Variants in KIFAP3 observed in about 807,000 individuals in gnomAD.
KIFAP3 encodes kinesin-associated protein 3.
A neutral mutation model predicts 106.5 loss-of-function variants in KIFAP3; 68 were observed. The ratio of observed to expected loss-of-function variants is 0.64; its 90% CI spans 0.53 to 0.78. The LOEUF (loss-of-function observed/expected upper bound fraction) is 0.78. KIFAP3 is among the 30% of genes least tolerant of loss of function. KIFAP3 has a pLI of 0.00. For missense variants in KIFAP3, 780 were observed against 941.8 expected (o/e 0.83, Z 2.25); for synonymous variants, 320 against 311.5 (o/e 1.03, Z -0.29).
At position 169,937,183 on chromosome 1, in the gene KIFAP3, C is replaced by A. The variant is rs138510469; in HGVS notation, c.2274-15402G>T. On this transcript the variant is annotated intron_variant, in intron 19 of 19. Transcript: ENST00000361580. Reference sequence around the variant, plus strand: ...TATTTTTAACCCTGAACTATATAAGCCTCTTAAAGAGAATGAGATTATTTC... The same window carrying A: ...TATTTTTAACCCTGAACTATATAAGACTCTTAAAGAGAATGAGATTATTTC... Among the ~76,000 whole-genome samples the A allele has an allele frequency of 1.7e-3, 252 of 151,584 alleles. 1 individual carries two copies. Among genetic ancestry groups the A allele is most frequent in the African/African-American group, 5.7e-3 (238 of 41,462 alleles).
chr1:169,960,019 C>T (rs933735925), intron 18 of KIFAP3, among the ~76,000 whole-genome samples: 1 of 151,868 alleles, frequency 6.6e-6, no homozygotes, highest in African/African-American at 2.4e-5. Context: ...ATACCAAATA[C>T]AAAAAATAAT....
In KIFAP3 at chr1:169,954,114, G is replaced by T; in HGVS notation, c.2174-4C>A. 1.9e-6 allele frequency: 3 copies of T among 1,571,158 alleles called. No homozygotes were observed. The highest frequency in any genetic ancestry group is 8.7e-7 in the Non-Finnish European group (1 of 1,146,962). On this transcript the variant is annotated splice_polypyrimidine_tract_variant and splice_region_variant and intron_variant, in intron 18 of 19. Coordinates refer to ENST00000361580, the MANE Select transcript of KIFAP3 (RefSeq NM_014970.4). The stretch of plus-strand genomic sequence containing the variant: ...CCTTCAGAGGCAATTAATCCATCTA[G>T]AAAGAAAAAAAAATGGTAACCAGTA...
intron 19 of KIFAP3, among the ~76,000 whole-genome samples, chr1:169,941,658 C>A (rs116684351): frequency 0.043 from 6,553 of 151,848 alleles, 371 homozygotes; most frequent in African/African-American, 0.13. Flanking sequence ...TATAAATATA[C>A]AATAAAATAT....
Position 169,922,111 on chromosome 1 carries a change from C to T in KIFAP3, c.2274-330G>A, listed in dbSNP as rs532013334. On this transcript the variant is annotated intron_variant, in intron 19 of 19. Coordinates refer to ENST00000361580, the MANE Select transcript of KIFAP3 (RefSeq NM_014970.4). ...CAAAAATATGAAAAGATTTTACATG[C>T]TAGCAATGATCAGTAATATATTGCT... Among the ~76,000 whole-genome samples, 4 of 152,126 alleles carry T rather than the reference C, an allele frequency of 2.6e-5. No individual in the cohort carries two copies. In the East Asian group the frequency reaches 5.8e-4, roughly 22 times the overall value.
At chr1:170,078,632 A>G (rs1671966240), upstream of KIFAP3, among the ~76,000 whole-genome samples, 1 of 152,174 alleles carries the variant, frequency 6.6e-6, no homozygotes, top group Admixed American at 6.5e-5. Flanking sequence ...GAAAATGTTA[A>G]AGCTCTTTAT....
intron 5 of KIFAP3, among the ~76,000 whole-genome samples, chr1:170,035,785 T>C: frequency 6.6e-6 from 1 of 152,052 alleles, no homozygotes; most frequent in African/African-American, 2.4e-5. Flanking sequence ...AGTAATCAAA[T>C]ATGATTTAGA....
chr1:169,950,265 G>A (rs1377345319), intron 19 of KIFAP3, among the ~76,000 whole-genome samples: 1 of 152,170 alleles, frequency 6.6e-6, no homozygotes. Context: ...GAAAAGCCAT[G>A]AGAACTGGCT....
At chr1:170,021,084 A>T (rs537779326) in intron 9 of KIFAP3, among the ~76,000 whole-genome samples, 2 of 152,306 alleles carry the variant, frequency 1.3e-5, no homozygotes, top group South Asian at 4.1e-4. Flanking sequence ...TATAACTGAT[A>T]AACAACTTGT....
At chr1:169,939,616 C>T (rs1663999363) in intron 19 of KIFAP3, among the ~76,000 whole-genome samples, 1 of 151,980 alleles carries the variant, frequency 6.6e-6, no homozygotes. Flanking sequence ...GAGGGTCCCC[C>T]AAAACAGGGT....
chr1:170,026,547 G>C (rs935922470), intron 8 of KIFAP3, among the ~76,000 whole-genome samples: 1 of 152,176 alleles, frequency 6.6e-6, no homozygotes, highest in African/African-American at 2.4e-5. Flanking sequence ...CCTGAGTTAA[G>C]GAGATGAAGC....
chr1:170,035,998 G>A (rs550953630), intron 5 of KIFAP3, among the ~76,000 whole-genome samples: 29 of 151,782 alleles, frequency 1.9e-4, no homozygotes, highest in Admixed American at 3.9e-4. Context: ...ACTAACACTC[G>A]TTCCATTAAA....
chr1:170,056,232 A>C (rs1670848313), intron 1 of KIFAP3, among the ~76,000 whole-genome samples: 1 of 152,218 alleles, frequency 6.6e-6, no homozygotes, highest in African/African-American at 2.4e-5. Flanking sequence ...AAGTTGTAGA[A>C]TTAGTACCTA....
chr1:169,975,352 T>C (rs1666169072), intron 16 of KIFAP3, among the ~76,000 whole-genome samples: 1 of 150,496 alleles, frequency 6.6e-6, no homozygotes, highest in African/African-American at 2.4e-5. Context: ...AAGTATTCTG[T>C]TCAAATTATA....
chr1:170,019,564 T>A (rs1668699797), intron 9 of KIFAP3, among the ~76,000 whole-genome samples: 2 of 152,122 alleles, frequency 1.3e-5, no homozygotes, highest in Admixed American at 1.3e-4. Context: ...GTCTTTAGAC[T>A]GTTGCGAATA....
intron 19 of KIFAP3, among the ~76,000 whole-genome samples, chr1:169,927,278 C>A (rs495092): frequency 0.94 from 142,424 of 152,288 alleles, 66,688 homozygotes; most frequent in East Asian, 0.99. Context: ...ATAACAAATA[C>A]GACATAGTCC....
chr1:170,011,948 T>C (rs1668263210), intron 10 of KIFAP3, among the ~76,000 whole-genome samples: 1 of 152,130 alleles, frequency 6.6e-6, no homozygotes, highest in South Asian at 2.1e-4. Flanking sequence ...GCAATTTCTT[T>C]GAACACAGCA....
At chr1:169,954,441 G>A (rs185876028) in intron 18 of KIFAP3, among the ~76,000 whole-genome samples, 14 of 152,194 alleles carry the variant, frequency 9.2e-5, no homozygotes, top group African/African-American at 2.9e-4. Context: ...AGCAAGGTGG[G>A]GACAGACAGT....
At position 170,074,668 on chromosome 1, in the gene KIFAP3, A is replaced by C. The variant is rs1379710531; in HGVS notation, c.-201T>G. ...CAGCTTCTGTGCCCCAAAACACTGG[A>C]GCGGCCCAGACCCGCCCAGAGTCGC... is the stretch of plus-strand genomic sequence containing the variant. On this transcript the variant is annotated 5_prime_UTR_variant, in exon 1 of 20. Coordinates refer to ENST00000361580, the MANE Select transcript of KIFAP3 (RefSeq NM_014970.4). 6.9e-7 allele frequency: 1 copy of C among 1,447,574 alleles called. No individual in the cohort carries two copies. Among genetic ancestry groups the C allele is most frequent in the Non-Finnish European group, 9.1e-7 (1 of 1,099,972 alleles). The allele number at this position is 1,447,574 out of a possible 1,614,324, so 89.7% of individuals were successfully genotyped here. A position where few individuals can be genotyped will look rare whatever the true frequency, so the allele number is the denominator to read the frequency against.
chr1:170,049,091 G>GCC (rs1670434504), intron 2 of KIFAP3, among the ~76,000 whole-genome samples: 2 of 152,224 alleles, frequency 1.3e-5, no homozygotes, highest in African/African-American at 4.8e-5. Context: ...AATTCTCACT[G>GCC]CCAGCACAGC....
Sources: gnomAD v4.1 joint callset for allele counts (sites outside exome capture counted in the v4.1 genomes callset) on GRCh38, gnomAD v4.1.1 for gene constraint, MANE v1.5 for transcripts, NCBI Gene and HGNC (gene_info 2026-07-23, HGNC 2026-07-21) for gene names.